TMEM132D: variants seen among roughly 807,000 people sequenced by gnomAD.
TMEM132D encodes the protein mature OL transmembrane protein.
TMEM132D carries 21 observed loss-of-function variants against 62.3 expected under a neutral mutation model. The observed-to-expected ratio is 0.34, with a 90% CI of 0.24 to 0.49. The LOEUF (loss-of-function observed/expected upper bound fraction) is 0.49, where lower values mean the gene tolerates loss of function less well. Among genes scored for constraint, TMEM132D ranks in the 20% least tolerant of loss-of-function variants. TMEM132D has a pLI of 0.99. For missense variants in TMEM132D, 1,346 were observed against 1,402.8 expected (o/e 0.96, Z 0.65); for synonymous variants, 621 against 575.6 (o/e 1.08, Z -1.13).
chr12:129,314,867 A>T (rs1868433613), intron 4 of TMEM132D, among the ~76,000 whole-genome samples: 1 of 151,684 alleles, frequency 6.6e-6, no homozygotes, highest in Non-Finnish European at 1.5e-5. Flanking sequence ...TAAGTTATTT[A>T]TTTATTTATT....
At chr12:129,772,508 G>GGA (rs1870788534) in intron 1 of TMEM132D, among the ~76,000 whole-genome samples, 1 of 152,186 alleles carries the variant, frequency 6.6e-6, no homozygotes, top group South Asian at 2.1e-4. Flanking sequence ...CTCCTGGAAA[G>GGA]GGCTTCCTAT....
At chr12:129,389,602 C>T (rs1593361559) in intron 3 of TMEM132D, among the ~76,000 whole-genome samples, 1 of 149,180 alleles carries the variant, frequency 6.7e-6, no homozygotes. Context: ...TAAACTAAAA[C>T]TAATATTAAT....
chr12:129,126,358 C>CTTTTTTT (rs397938044), intron 5 of TMEM132D, among the ~76,000 whole-genome samples: 9 of 147,360 alleles, frequency 6.1e-5, no homozygotes, highest in Admixed American at 6.1e-4. Flanking sequence ...GTTTCTCTCT[C>CTTTTTTT]TTTTTTTTTT....
chr12:129,324,337 T>G (rs1868826899), intron 4 of TMEM132D, among the ~76,000 whole-genome samples: 1 of 152,182 alleles, frequency 6.6e-6, no homozygotes, highest in South Asian at 2.1e-4. Flanking sequence ...CATAAACCAG[T>G]TTGGTTTGAA....
intron 2 of TMEM132D, among the ~76,000 whole-genome samples, chr12:129,616,032 AC>A (rs909093403): frequency 6.6e-6 from 1 of 152,182 alleles, no homozygotes; most frequent in African/African-American, 2.4e-5. Flanking sequence ...GTCAACCATT[AC>A]AAAACAGGAG....
intron 4 of TMEM132D, among the ~76,000 whole-genome samples, chr12:129,288,192 A>T (rs1164067856): frequency 2.6e-5 from 4 of 152,212 alleles, no homozygotes; most frequent in African/African-American, 9.6e-5. Flanking sequence ...TGATTTCATA[A>T]ATATGACACC....
intron 1 of TMEM132D, among the ~76,000 whole-genome samples, chr12:129,881,833 G>A (rs1874606077): frequency 6.6e-6 from 1 of 151,860 alleles, no homozygotes; most frequent in African/African-American, 2.4e-5. Context: ...CAATGAAAAT[G>A]AAAAGCTGCC....
At chr12:129,446,215 T>C (rs1873094936) in intron 3 of TMEM132D, among the ~76,000 whole-genome samples, 1 of 152,032 alleles carries the variant, frequency 6.6e-6, no homozygotes, top group Non-Finnish European at 1.5e-5. Context: ...CACTCACCCA[T>C]GGTATGCTGA....
intron 1 of TMEM132D, among the ~76,000 whole-genome samples, chr12:129,885,650 CTG>C (rs1488958167): frequency 1.3e-5 from 2 of 152,206 alleles, no homozygotes; most frequent in Non-Finnish European, 2.9e-5. Context: ...TTTTTAAACT[CTG>C]TACCCACTTG....
chr12:129,275,464 G>T (rs1015869234), intron 4 of TMEM132D, among the ~76,000 whole-genome samples: 5 of 152,130 alleles, frequency 3.3e-5, no homozygotes, highest in African/African-American at 2.4e-5. Flanking sequence ...TCACTCTCTA[G>T]TAGAGACATA....
In TMEM132D at chr12:129,082,735, T is replaced by G. The variant is rs140126770; in HGVS notation, c.1650-703A>C. Among the ~76,000 whole-genome samples, 557 of 152,300 alleles carry G rather than the reference T, an allele frequency of 3.7e-3. 2 individuals carry two copies. Among genetic ancestry groups the G allele is most frequent in the African/African-American group, 0.013 (521 of 41,564 alleles). On this transcript the variant is annotated intron_variant, in intron 6 of 8. Coordinates refer to ENST00000422113, the MANE Select transcript of TMEM132D (RefSeq NM_133448.3). ...GAAACTGTTTGATAATACGTGTTGT[T>G]CTTTCTCTTTTTGTGACAGGGTCTT...
At chr12:129,275,836 C>T (rs1233325606) in intron 4 of TMEM132D, among the ~76,000 whole-genome samples, 2 of 152,182 alleles carry the variant, frequency 1.3e-5, no homozygotes, top group South Asian at 2.1e-4. Context: ...AAGGTTGCTA[C>T]GTTTGGGGTC....
At chr12:129,677,043 G>A (rs972303184) in intron 2 of TMEM132D, among the ~76,000 whole-genome samples, 3 of 152,250 alleles carry the variant, frequency 2.0e-5, no homozygotes, top group African/African-American at 7.2e-5. Flanking sequence ...CATAACCGAA[G>A]TCCCTTTATG....
intron 4 of TMEM132D, among the ~76,000 whole-genome samples, chr12:129,224,830 G>A (rs2135575340): frequency 6.6e-6 from 1 of 152,202 alleles, no homozygotes; most frequent in African/African-American, 2.4e-5. Flanking sequence ...CTTGAACCTG[G>A]GAGGTAGAAA....
intron 4 of TMEM132D, among the ~76,000 whole-genome samples, chr12:129,311,187 G>A (rs1183195765): frequency 1.5e-5 from 1 of 67,470 alleles, no homozygotes; most frequent in Admixed American, 3.0e-4. Context: ...GACAGAGCGA[G>A]ACTCCGTCTC....
intron 1 of TMEM132D, among the ~76,000 whole-genome samples, chr12:129,888,126 G>T (rs576298754): frequency 6.6e-6 from 1 of 152,300 alleles, no homozygotes; most frequent in South Asian, 2.1e-4. Context: ...AAGCAATTGT[G>T]TGTTTTGATG....
chr12:129,653,814 T>G (rs1172755695), intron 2 of TMEM132D, among the ~76,000 whole-genome samples: 1 of 152,232 alleles, frequency 6.6e-6, no homozygotes, highest in Non-Finnish European at 1.5e-5. Context: ...GCCGGTACAT[T>G]TGCTGCAATC....
chr12:129,516,521 GC>G (rs1875686848), intron 3 of TMEM132D, among the ~76,000 whole-genome samples: 4 of 152,142 alleles, frequency 2.6e-5, no homozygotes, highest in Admixed American at 6.5e-5. Context: ...AGTGAAAGGG[GC>G]TTCCCCTTAT....
chr12:129,721,528 C>A (rs549102180), intron 1 of TMEM132D, among the ~76,000 whole-genome samples: 1 of 152,144 alleles, frequency 6.6e-6, no homozygotes, highest in Non-Finnish European at 1.5e-5. Flanking sequence ...CTGGGAGGGG[C>A]CAGTGGGCAG....
Sources: allele counts gnomAD v4.1 joint callset (sites outside exome capture counted in the v4.1 genomes callset), GRCh38; gene constraint gnomAD v4.1.1; transcripts MANE v1.5; gene names NCBI Gene and HGNC (gene_info 2026-07-23, HGNC 2026-07-21).